The following TMPRSS2 variants were observed in gnomAD, a reference collection of about 807,000 sequenced individuals.
TMPRSS2 encodes the protein transmembrane protease serine 2.
Under a neutral mutation model 67.4 loss-of-function variants are expected in TMPRSS2, and 59 were observed. The observed-to-expected ratio is 0.88, with a 90% CI of 0.71 to 1.09. TMPRSS2 has a LOEUF of 1.09. TMPRSS2 is among the 50% of genes least tolerant of loss of function. The probability of loss-of-function intolerance (pLI) is 0.00; values close to 1 mark genes in which losing one functional copy is unlikely to be tolerated. For synonymous variants in TMPRSS2, 257 were observed against 257.0 expected (o/e 1.00, Z 0.00); for missense variants, 668 against 642.7 (o/e 1.04, Z -0.43).
intron 5 of TMPRSS2, among the ~76,000 whole-genome samples, chr21:41,483,308 C>T (rs9976780): frequency 0.64 from 96,893 of 150,662 alleles, 32,133 homozygotes; most frequent in Middle Eastern, 0.78. Context: ...TCTTCTTCTT[C>T]TTTTTTTTTC....
chr21:41,505,649 C>T (rs1220685879), intron 1 of TMPRSS2, among the ~76,000 whole-genome samples: 1 of 152,198 alleles, frequency 6.6e-6, no homozygotes. Context: ...AGGGGCTGGG[C>T]TCTTTCAGGT....
intron 5 of TMPRSS2, among the ~76,000 whole-genome samples, chr21:41,482,923 A>G (rs1569018723): frequency 6.6e-6 from 1 of 152,204 alleles, no homozygotes; most frequent in Non-Finnish European, 1.5e-5. Context: ...CGGAGGCACT[A>G]AGAAGATCAG....
At chr21:41,492,203 C>CAAAA (rs2091342826) in intron 3 of TMPRSS2, among the ~76,000 whole-genome samples, 1 of 146,348 alleles carries the variant, frequency 6.8e-6, no homozygotes, top group Non-Finnish European at 1.5e-5. Flanking sequence ...AAAAAACAAA[C>CAAAA]AAACAAACAA....
chr21:41,499,597 C>G (rs1343098311), intron 1 of TMPRSS2, among the ~76,000 whole-genome samples: 2 of 151,846 alleles, frequency 1.3e-5, no homozygotes, highest in Non-Finnish European at 2.9e-5. Flanking sequence ...TCCCCCTTAC[C>G]CTTGATGTTT....
At chr21:41,501,337 G>A (rs1039710719) in intron 1 of TMPRSS2, among the ~76,000 whole-genome samples, 2 of 152,234 alleles carry the variant, frequency 1.3e-5, no homozygotes, top group African/African-American at 4.8e-5. Flanking sequence ...GGCCGGGCAC[G>A]GCGGCTCCTG....
At position 41,489,579 on chromosome 21, in the gene TMPRSS2, G is replaced by C. The variant is rs751183382; in HGVS notation, c.253C>G (p.Leu85Val). The C allele has an allele frequency of 5.0e-6, 8 of 1,614,096 alleles. No homozygotes were observed. The highest frequency in any genetic ancestry group is 3.3e-5 in the South Asian group (3 of 91,078). ...TVCTSKTKKA[L>V]CITLTLGTFL... is the part of the protein sequence containing the mutation. The stretch of plus-strand genomic sequence containing the variant: ...GTCCCCAGGGTCAAGGTGATGCACA[G>C]TGCTTTCTTAGTCTCTGGAAGAAGG... Residue 85 changes from leucine to valine, a missense_variant, in exon 4 of 14, where the codon CTG becomes GTG. Coordinates refer to ENST00000332149, the MANE Select transcript of TMPRSS2 (RefSeq NM_005656.4).
intron 1 of TMPRSS2, among the ~76,000 whole-genome samples, chr21:41,505,423 C>A (rs997391576): frequency 6.6e-6 from 1 of 152,182 alleles, no homozygotes. Flanking sequence ...ACAACACACT[C>A]GGATGATGAT....
intron 2 of TMPRSS2, 113 bp downstream of exon 2, chr21:41,498,006 C>G (rs2091397020): frequency 3.8e-6 from 3 of 783,878 alleles, no homozygotes; most frequent in Admixed American, 2.2e-5. Context: ...TCAGCGTGGC[C>G]CGGCGTTCCC....
chr21:41,468,147 A>G (rs1424344201), intron 12 of TMPRSS2: 1 of 615,730 alleles, frequency 1.6e-6, no homozygotes, highest in East Asian at 2.8e-5. Flanking sequence ...TAGTCTAAAT[A>G]CTTGTTTCTG....
Position 41,470,705 on chromosome 21 carries a change from T to TCATG in TMPRSS2, c.1110_1113dup (p.Met372HisfsTer36). On this transcript the variant is annotated frameshift_variant, in exon 11 of 14. Coordinates refer to ENST00000332149, the MANE Select transcript of TMPRSS2 (RefSeq NM_005656.4). LOFTEE classifies it high-confidence loss of function. The stretch of plus-strand genomic sequence containing the variant: ...CAGCAGAGCTGTTCTGGCTGCAGCA[T>TCATG]CATGCCTGGGTTGGGCAGACACACT... The TCATG allele has an allele frequency of 1.2e-6, 2 of 1,613,638 alleles. No homozygotes were observed. The highest frequency in any genetic ancestry group is 1.3e-5 in the African/African-American group (1 of 75,056).
chr21:41,485,120 G>A (rs541248150), intron 5 of TMPRSS2, among the ~76,000 whole-genome samples: 1 of 148,770 alleles, frequency 6.7e-6, no homozygotes, highest in Non-Finnish European at 1.5e-5. Flanking sequence ...GTGTGTGTCT[G>A]GGGTGTATGG....
At chr21:41,493,415 G>C (rs567340892) in intron 3 of TMPRSS2, among the ~76,000 whole-genome samples, 41 of 152,278 alleles carry the variant, frequency 2.7e-4, no homozygotes, top group African/African-American at 7.5e-4. Flanking sequence ...TGTCCTGAGT[G>C]GGGGAGAGGT....
intron 3 of TMPRSS2, among the ~76,000 whole-genome samples, chr21:41,491,151 ATTTTTTTTTT>A (rs35598191): frequency 1.9e-5 from 2 of 106,592 alleles, no homozygotes; most frequent in Non-Finnish European, 3.7e-5. Flanking sequence ...TCTGCATTGC[ATTTTTTTTTT>A]TTTTTTTTTT....
At chr21:41,473,080 G>A (rs934438155) in intron 9 of TMPRSS2, among the ~76,000 whole-genome samples, 1 of 152,160 alleles carries the variant, frequency 6.6e-6, no homozygotes, top group Non-Finnish European at 1.5e-5. Flanking sequence ...TGGTCACGGC[G>A]ACATCGTGGA....
intron 1 of TMPRSS2, chr21:41,507,809 C>G: frequency 1.0e-6 from 1 of 984,384 alleles, no homozygotes; most frequent in Non-Finnish European, 1.4e-6. Flanking sequence ...CCACCTGCCC[C>G]AACCTCGCGA....
At chr21:41,471,338 C>G (rs1224973724) in intron 10 of TMPRSS2, among the ~76,000 whole-genome samples, 1 of 152,202 alleles carries the variant, frequency 6.6e-6, no homozygotes, top group East Asian at 1.9e-4. Flanking sequence ...GATCTTTACA[C>G]ATTTTAGGCC....
intron 1 of TMPRSS2, among the ~76,000 whole-genome samples, chr21:41,499,156 C>A (rs939814881): frequency 6.6e-6 from 1 of 152,102 alleles, no homozygotes; most frequent in Non-Finnish European, 1.5e-5. Flanking sequence ...CTACCCCAAA[C>A]CCAAAAAAGA....
chr21:41,503,743 C>T (rs2091438776), intron 1 of TMPRSS2, among the ~76,000 whole-genome samples: 1 of 152,206 alleles, frequency 6.6e-6, no homozygotes, highest in Admixed American at 6.5e-5. Context: ...GATCATTTCT[C>T]CAACATATTC....
chr21:41,489,654 A>G, intron 3 of TMPRSS2, 61 bp from the exon 4 acceptor site: 1 of 1,105,298 alleles, frequency 9.0e-7, no homozygotes, highest in Non-Finnish European at 1.4e-6. Flanking sequence ...ATGCTCTCAA[A>G]TGTTATCTAT....
Sources: gnomAD v4.1 joint callset for allele counts (sites outside exome capture counted in the v4.1 genomes callset) on GRCh38, gnomAD v4.1.1 for gene constraint, MANE v1.5 for transcripts, NCBI Gene and HGNC (gene_info 2026-07-23, HGNC 2026-07-21) for gene names.